Variants in DPP6 observed in about 807,000 individuals in gnomAD.
DPP6 encodes the protein dipeptidyl peptidase like 6.
In DPP6, 69 loss-of-function variants were observed where a neutral mutation model predicts 122.6. That is an observed-to-expected ratio of 0.56 (90% CI 0.46 to 0.69). The LOEUF (loss-of-function observed/expected upper bound fraction) is 0.69. Ranked by LOEUF, DPP6 falls within the 30% of genes least tolerant of loss-of-function variation. DPP6 has a pLI of 0.00. For synonymous variants in DPP6, 418 were observed against 433.1 expected (o/e 0.97, Z 0.43); for missense variants, 928 against 1,116.9 (o/e 0.83, Z 2.41).
chr7:154,648,092 AT>A (rs1193052208), intron 6 of DPP6, among the ~76,000 whole-genome samples: 7 of 20,454 alleles, frequency 3.4e-4, no homozygotes, highest in Admixed American at 8.2e-4. Flanking sequence ...CTCTATTAAA[AT>A]TAAAAAAAAA....
chr7:153,876,448 T>C, the DPP6 span, among the ~76,000 whole-genome samples: 6 of 151,802 alleles, frequency 4.0e-5, no homozygotes, highest in African/African-American at 1.5e-4. Context: ...AGTATAGGGA[T>C]TGAAATTCTG....
At chr7:154,067,630 G>C (rs1328946860) in intron 1 of DPP6, among the ~76,000 whole-genome samples, 1 of 152,152 alleles carries the variant, frequency 6.6e-6, no homozygotes, top group Non-Finnish European at 1.5e-5. Flanking sequence ...AGGTCATGGG[G>C]AGTCATTTGA....
At chr7:154,412,907 C>G (rs1816731664) in intron 1 of DPP6, among the ~76,000 whole-genome samples, 1 of 152,212 alleles carries the variant, frequency 6.6e-6, no homozygotes, top group Admixed American at 6.5e-5. Context: ...ATGACCTGGT[C>G]TGGTGTCTCA....
At chr7:154,343,852 A>AT (rs1810150809) in intron 1 of DPP6, among the ~76,000 whole-genome samples, 1 of 152,216 alleles carries the variant, frequency 6.6e-6, no homozygotes, top group Admixed American at 6.5e-5. Context: ...CAGTGCTGGG[A>AT]TTACAGGCGT....
At chr7:154,011,842 C>T (rs1194252545) in intron 1 of DPP6, among the ~76,000 whole-genome samples, 8 of 152,066 alleles carry the variant, frequency 5.3e-5, no homozygotes, top group East Asian at 3.9e-4. Context: ...ATTTCACAGA[C>T]GAGAAAATGA....
intron 1 of DPP6, among the ~76,000 whole-genome samples, chr7:153,991,053 T>TA (rs1337541016): frequency 6.6e-6 from 1 of 151,906 alleles, no homozygotes; most frequent in Non-Finnish European, 1.5e-5. Flanking sequence ...AATGATGGAG[T>TA]AATAAGGGCA....
chr7:154,379,144 G>T (rs1413969664), intron 1 of DPP6, among the ~76,000 whole-genome samples: 3 of 152,180 alleles, frequency 2.0e-5, no homozygotes, highest in African/African-American at 2.4e-5. Context: ...CATAACACAT[G>T]TGTTGATAAT....
intron 1 of DPP6, among the ~76,000 whole-genome samples, chr7:154,262,046 G>C (rs557533338): frequency 6.6e-6 from 1 of 151,692 alleles, no homozygotes; most frequent in Admixed American, 6.6e-5. Flanking sequence ...GGAGGAAGGA[G>C]AAAGAAGAGA....
At chr7:153,799,936 C>A in the DPP6 span, among the ~76,000 whole-genome samples, 1 of 152,122 alleles carries the variant, frequency 6.6e-6, no homozygotes, top group East Asian at 1.9e-4. Context: ...GGCAGAGATG[C>A]ACAGAAAGGG....
chr7:154,819,222 C>T (rs1799609846), intron 16 of DPP6, among the ~76,000 whole-genome samples: 1 of 152,176 alleles, frequency 6.6e-6, no homozygotes, highest in Non-Finnish European at 1.5e-5. Context: ...CAAGACCAGC[C>T]TGGCCAATAT....
intron 8 of DPP6, among the ~76,000 whole-genome samples, chr7:154,746,997 A>G (rs1843065079): frequency 1.3e-5 from 2 of 152,230 alleles, no homozygotes; most frequent in South Asian, 2.1e-4. Flanking sequence ...AGCTGATAAT[A>G]TCAGTTACAA....
At chr7:154,505,983 T>C (rs1380982389) in intron 3 of DPP6, among the ~76,000 whole-genome samples, 2 of 152,034 alleles carry the variant, frequency 1.3e-5, no homozygotes, top group Non-Finnish European at 2.9e-5. Context: ...CCCCCATTTA[T>C]TTATATTTAT....
chr7:154,228,529 A>G (rs1048964807), intron 1 of DPP6, among the ~76,000 whole-genome samples: 2 of 152,188 alleles, frequency 1.3e-5, no homozygotes, highest in African/African-American at 4.8e-5. Flanking sequence ...AGACAGACAA[A>G]TGGGCAGGCT....
At chr7:154,316,288 C>T (rs1430902449) in intron 1 of DPP6, among the ~76,000 whole-genome samples, 2 of 152,188 alleles carry the variant, frequency 1.3e-5, no homozygotes, top group African/African-American at 4.8e-5. Flanking sequence ...CTATTCACTC[C>T]AGCCACCAGC....
intron 8 of DPP6, 38 bp from the exon 9 acceptor site, chr7:154,769,379 T>C: frequency 6.2e-7 from 1 of 1,610,934 alleles, no homozygotes; most frequent in Middle Eastern, 1.9e-4. Context: ...TCCACTCACT[T>C]GTTACTATTC....
chr7:153,940,997 A>G (rs1183664925), intron 1 of DPP6, among the ~76,000 whole-genome samples: 2 of 152,272 alleles, frequency 1.3e-5, no homozygotes, highest in South Asian at 2.1e-4. Flanking sequence ...TCCAGGAGTG[A>G]CTGATTGCCT....
intron 2 of DPP6, among the ~76,000 whole-genome samples, chr7:154,459,974 C>CTTTTT (rs71184004): frequency 1.3e-3 from 79 of 58,598 alleles, no homozygotes; most frequent in Non-Finnish European, 1.6e-3. Flanking sequence ...TATTCATGTG[C>CTTTTT]TTTTTTTTTT....
At chr7:154,772,967 CAAA>C (rs11291131) in intron 10 of DPP6, 25 bp downstream of exon 10, 291 of 1,322,586 alleles carry the variant, frequency 2.2e-4, no homozygotes, top group South Asian at 1.2e-3. Flanking sequence ...ATTATGTTAC[CAAA>C]AAAAAAAAAA....
chr7:154,439,776 C>T (rs1432002648), intron 1 of DPP6, among the ~76,000 whole-genome samples: 1 of 152,206 alleles, frequency 6.6e-6, no homozygotes. Context: ...GCTGCTTTAG[C>T]AAGGGTGGTG....
Sources: allele counts gnomAD v4.1 joint callset (sites outside exome capture counted in the v4.1 genomes callset), GRCh38; gene constraint gnomAD v4.1.1; transcripts MANE v1.5; gene names NCBI Gene and HGNC (gene_info 2026-07-23, HGNC 2026-07-21).